Variants in POLE observed in about 807,000 individuals in gnomAD.
POLE encodes the protein DNA polymerase epsilon catalytic subunit A.
A neutral mutation model predicts 279.2 loss-of-function variants in POLE; 188 were observed. The ratio of observed to expected loss-of-function variants is 0.67; its 90% CI spans 0.60 to 0.76. The LOEUF (loss-of-function observed/expected upper bound fraction) is 0.76. Ranked by LOEUF, POLE falls within the 30% of genes least tolerant of loss-of-function variation. The pLI is 0.00. For synonymous variants in POLE, 1,214 were observed against 1,172.5 expected (o/e 1.04, Z -0.72); for missense variants, 2,703 against 3,016.7 (o/e 0.90, Z 2.44).
chr12:132,673,662 G>C lies in POLE; in HGVS notation c.1272C>G (p.Leu424=), dbSNP rs1555228638. Residue 424 remains leucine (L), a synonymous_variant, in exon 13 of 49, where the codon CTC becomes CTG. Transcript: ENST00000320574. Reference sequence around the variant, plus strand: ...CTAGCTTGGCCTTGGCGGCCGCCTTGAGATTATGACTGCCCACAGGAAGGT... The same window carrying C: ...CTAGCTTGGCCTTGGCGGCCGCCTTCAGATTATGACTGCCCACAGGAAGGT... ...DSYLPVGSHN[L]KAAAKAKLGY... The C allele has an allele frequency of 6.2e-7, 1 of 1,613,984 alleles. No individual in the cohort carries two copies. The highest frequency in any genetic ancestry group is 2.2e-5 in the East Asian group (1 of 44,890).
Position 132,639,028 on chromosome 12 carries a change from C to A in POLE, c.5552+97G>T, listed in dbSNP as rs2042087716. ...ACAAACTCAGAAATACACTACTTAT[C>A]CCAGAGGCACTGGCTGGCCATGTCT... On this transcript the variant is annotated intron_variant, in intron 40 of 48. Coordinates refer to ENST00000320574, the MANE Select transcript of POLE (RefSeq NM_006231.4). The surrounding 1 kb of genome is among the most constrained non-coding windows in gnomAD (Gnocchi z 4.7). The A allele has an allele frequency of 2.9e-6, 3 of 1,017,176 alleles. No individual in the cohort carries two copies. The Admixed American group carries it at 5.5e-5, about 19-fold the overall frequency. 63.0% of individuals were successfully genotyped at this position (1,017,176 alleles called of 1,614,324 possible). A position where few individuals can be genotyped will look rare whatever the true frequency, so the allele number is the denominator to read the frequency against.
chr12:132,670,541 A>G (rs2042902264), intron 16 of POLE, among the ~76,000 whole-genome samples: 2 of 147,030 alleles, frequency 1.4e-5, no homozygotes, highest in South Asian at 4.6e-4. Context: ...CCCAGGCTGG[A>G]GTGTAGTGGA....
At position 132,643,538 on chromosome 12, in the gene POLE, AG is replaced by A; in HGVS notation, c.4312del (p.Leu1438TrpfsTer15). The A allele has an allele frequency of 6.2e-7, 1 of 1,614,132 alleles. No homozygotes were observed. The highest frequency in any genetic ancestry group is 8.5e-7 in the Non-Finnish European group (1 of 1,180,024). ...CACACACACACAGCCCAGGTGCACC[AG>A]GGCCCGGAACAGTAACGGAACCTGG... Reference protein sequence around the residue: ...ETQVPLLFRALVHLGCVCVVN... With the variant: ...ETQVPLLFRAXVHLGCVCVVN... On this transcript the variant is annotated frameshift_variant, in exon 34 of 49. Transcript: ENST00000320574. LOFTEE classifies it high-confidence loss of function.
chr12:132,663,982 G>T (rs772982537), intron 23 of POLE, 22 bp downstream of exon 23: 1 of 1,613,354 alleles, frequency 6.2e-7, no homozygotes, highest in Non-Finnish European at 8.5e-7. Flanking sequence ...CAGAGCTTCA[G>T]GACCAGAGGC....
chr12:132,676,364 G>A (rs2043051416), intron 9 of POLE, 160 bp from the exon 10 acceptor site: 1 of 710,462 alleles, frequency 1.4e-6, no homozygotes, highest in African/African-American at 1.8e-5. Context: ...CGCTCTGTGT[G>A]TGGATTCCCA....
At chr12:132,686,172 G>A (rs1290217387) in intron 1 of POLE, among the ~76,000 whole-genome samples, 3 of 151,860 alleles carry the variant, frequency 2.0e-5, no homozygotes, top group Non-Finnish European at 4.4e-5. Context: ...CCACCGCGCC[G>A]GGCCTCATCC....
At chr12:132,658,961 C>T (rs1220426546) in intron 26 of POLE, among the ~76,000 whole-genome samples, 1 of 147,946 alleles carries the variant, frequency 6.8e-6, no homozygotes, top group Non-Finnish European at 1.5e-5. Context: ...AAGGGTCTTC[C>T]TTCAACCTGA....
intron 19 of POLE, among the ~76,000 whole-genome samples, chr12:132,667,948 TGGC>T (rs2042833736): frequency 6.6e-6 from 1 of 152,166 alleles, no homozygotes; most frequent in South Asian, 2.1e-4. Flanking sequence ...CTAGGCATGG[TGGC>T]GCACACCTGT....
At chr12:132,648,826 CA>C in intron 32 of POLE, 102 bp downstream of exon 32, 1 of 1,244,048 alleles carries the variant, frequency 8.0e-7, no homozygotes, top group Non-Finnish European at 1.1e-6. Context: ...AGAACATCCC[CA>C]TAAGGTACTG....
intron 2 of POLE, chr12:132,680,921 T>C (rs1431955952): frequency 3.2e-6 from 2 of 630,720 alleles, no homozygotes; most frequent in Non-Finnish European, 5.5e-6. Context: ...TTTATTCTGA[T>C]GGCTAAAAGA....
intron 20 of POLE, among the ~76,000 whole-genome samples, chr12:132,666,421 C>T (rs2042798134): frequency 6.6e-6 from 1 of 152,238 alleles, no homozygotes; most frequent in Non-Finnish European, 1.5e-5. Context: ...AACCCCGTCT[C>T]TACCAAACAT....
intron 32 of POLE, among the ~76,000 whole-genome samples, chr12:132,644,743 C>G (rs1377745862): frequency 1.5e-5 from 2 of 133,238 alleles, no homozygotes; most frequent in African/African-American, 5.7e-5. Context: ...CTGGAGGGGT[C>G]TGGGAGAGCT....
At chr12:132,681,327 T>C in intron 1 of POLE, 48 bp from the exon 2 acceptor site, 1 of 1,577,466 alleles carries the variant, frequency 6.3e-7, no homozygotes, top group Non-Finnish European at 8.6e-7. Context: ...TGCCACCTGC[T>C]GCTGCTTCTT....
rs1031102743 is a variant in POLE, at chr12:132,649,043, G to C, written c.4035C>G (p.Phe1345Leu). 5.0e-6 allele frequency: 8 copies of C among 1,613,278 alleles called. No individual in the cohort carries two copies. Among genetic ancestry groups the C allele is most frequent in the Non-Finnish European group, 6.8e-6 (8 of 1,179,922 alleles). The change falls in exon 32 of 49, where the codon TTC (phenylalanine) becomes TTG (leucine). Residue 1345 changes from phenylalanine to leucine, a missense_variant. Around this residue, in one of 5 missense-constraint regions of POLE, gnomAD observed 1,551 missense variants for 1,686.1 expected, o/e 0.92. Transcript: ENST00000320574. Reference sequence around the variant, plus strand: ...CACTGCCAACGAGCGCCCACAGCCTGAACAGGCCGGCCTGGCTGGTCTCGC... The same window carrying C: ...CACTGCCAACGAGCGCCCACAGCCTCAACAGGCCGGCCTGGCTGGTCTCGC... ...QISETSQAGL[F>L]RLWALVGSDL... is the part of the protein sequence containing the mutation.
In POLE at chr12:132,634,450, A is replaced by C; in HGVS notation, c.5812-72T>G. On this transcript the variant is annotated intron_variant, in intron 42 of 48. Coordinates refer to ENST00000320574, the MANE Select transcript of POLE (RefSeq NM_006231.4). The surrounding 1 kb of genome is among the most constrained non-coding windows in gnomAD (Gnocchi z 4.0). ...GGTAGAGGGGTAGGATGCCACAGCG[A>C]AGGCTCCTCCAACCTGGGTCCATCT... The C allele has an allele frequency of 6.8e-7, 1 of 1,464,186 alleles. No individual in the cohort carries two copies. The highest frequency in any genetic ancestry group is 9.4e-7 in the Non-Finnish European group (1 of 1,064,986). The allele number at this position is 1,464,186 out of a possible 1,614,324, so 90.7% of individuals were successfully genotyped here.
In POLE at chr12:132,632,861, G is replaced by C. The variant is rs558426700; in HGVS notation, c.6005-66C>G. The stretch of plus-strand genomic sequence containing the variant: ...GCTGCAAACACCCTAGAATCTGAGG[G>C]GACCCATGGCTGGTCAGATTGCCTC... On this transcript the variant is annotated intron_variant, in intron 43 of 48. Transcript: ENST00000320574. 159 of 1,516,116 alleles carry C rather than the reference G, an allele frequency of 1.0e-4. 1 individual carries two copies. The East Asian group carries it at 3.5e-3, about 33-fold the overall frequency. The allele number at this position is 1,516,116 out of a possible 1,614,324, so 93.9% of individuals were successfully genotyped here.
chr12:132,644,092 G>A (rs1280985754), intron 32 of POLE, 115 bp from the exon 33 acceptor site: 4 of 1,008,280 alleles, frequency 4.0e-6, no homozygotes, highest in Admixed American at 2.2e-5. Flanking sequence ...TAGCGACGGG[G>A]TACACCCACC....
Position 132,642,354 on chromosome 12 carries a change from T to C in POLE, c.4996A>G (p.Thr1666Ala), listed in dbSNP as rs761329946. ...GCAAAGAAGAGGTCGGAGCCGAATGTGGAGATGTCCTCTGGTAGGTTCCCA... is the reference window on the plus strand; with the variant it reads ...GCAAAGAAGAGGTCGGAGCCGAATGCGGAGATGTCCTCTGGTAGGTTCCCA... The part of the protein sequence containing the change: ...PIGNLPEDIS[T>A]FGSDLFFARH... The change falls in exon 38 of 49, where the codon ACA becomes GCA. Residue 1666 changes from threonine to alanine, a missense_variant. By Grantham distance (58) the Thr-to-Ala change is moderately conservative. Transcript: ENST00000320574. 35 of 1,588,174 alleles carry C rather than the reference T, an allele frequency of 2.2e-5. No individual in the cohort carries two copies. The South Asian group carries it at 3.8e-4, about 17-fold the overall frequency.
chr12:132,672,489 C>T, intron 15 of POLE, 138 bp downstream of exon 15: 2 of 1,087,544 alleles, frequency 1.8e-6, no homozygotes, highest in Non-Finnish European at 2.7e-6. Context: ...CCGGGGGGTG[C>T]TGGGCCAGAG....
Sources: allele counts gnomAD v4.1 joint callset (sites outside exome capture counted in the v4.1 genomes callset), GRCh38; gene constraint gnomAD v4.1.1; regional missense constraint gnomAD v4.1.1; non-coding constraint Gnocchi (gnomAD v3.1); transcripts MANE v1.5; gene names NCBI Gene and HGNC (gene_info 2026-07-23, HGNC 2026-07-21).